The following RNF139 variants were observed in gnomAD, a reference collection of about 807,000 sequenced individuals.
RNF139 encodes the protein E3 ubiquitin-protein ligase RNF139.
RNF139 carries 15 observed loss-of-function variants against 49.5 expected under a neutral mutation model. The ratio of observed to expected loss-of-function variants is 0.30; its 90% CI spans 0.20 to 0.47. The LOEUF is 0.47. Among genes scored for constraint, RNF139 ranks in the 20% least tolerant of loss-of-function variants. RNF139 has a pLI of 1.00. For synonymous variants in RNF139, 325 were observed against 300.9 expected, an observed-to-expected ratio of 1.08 and a Z score of -0.83; for missense variants, 619 against 806.3, an observed-to-expected ratio of 0.77 and a Z score of 2.81.
intron 1 of RNF139, among the ~76,000 whole-genome samples, chr8:124,483,607 T>C (rs999621230): frequency 6.6e-6 from 1 of 151,928 alleles, no homozygotes; most frequent in African/African-American, 2.4e-5. Flanking sequence ...CATATTTTTA[T>C]ATTTTTGGTA....
rs1816566584 is a variant in RNF139, at chr8:124,487,746, C to T, written c.*102C>T. ...TTCAGTGTGTAACCAAGCACAAAAACAGTATCAATGTTGAATCTGTGAATG... is the reference window on the plus strand; with the variant it reads ...TTCAGTGTGTAACCAAGCACAAAAATAGTATCAATGTTGAATCTGTGAATG... On this transcript the variant is annotated 3_prime_UTR_variant, in exon 2 of 2. Coordinates refer to ENST00000303545, the MANE Select transcript of RNF139 (RefSeq NM_007218.4). The T allele has an allele frequency of 1.7e-6, 2 of 1,148,838 alleles. No homozygotes were observed. The highest frequency in any genetic ancestry group is 2.6e-5 in the Admixed American group (1 of 38,464). 71.2% of individuals were successfully genotyped at this position (1,148,838 alleles called of 1,614,324 possible).
intron 1 of RNF139, among the ~76,000 whole-genome samples, chr8:124,484,940 C>T (rs1239083547): frequency 6.6e-6 from 1 of 151,996 alleles, no homozygotes; most frequent in Non-Finnish European, 1.5e-5. Context: ...GAATTTTGGA[C>T]CCTTTGGAGA....
intron 1 of RNF139, among the ~76,000 whole-genome samples, chr8:124,478,632 T>A (rs532714256): frequency 2.7e-5 from 4 of 150,050 alleles, no homozygotes; most frequent in Non-Finnish European, 4.4e-5. Flanking sequence ...TCAAAAAAAA[T>A]TTATCAGATT....
At chr8:124,475,373 C>T in intron 1 of RNF139, 83 bp downstream of exon 1, 1 of 1,398,018 alleles carries the variant, frequency 7.2e-7, no homozygotes, top group Non-Finnish European at 9.9e-7. Flanking sequence ...GCGCAGAGGC[C>T]ATGGGTCGAG....
Position 124,483,028 on chromosome 8 carries a change from AAT to A in RNF139, c.182-2792_182-2791del, listed in dbSNP as rs373715299. On this transcript the variant is annotated intron_variant, in intron 1 of 1. Coordinates refer to ENST00000303545, the MANE Select transcript of RNF139 (RefSeq NM_007218.4). ...TATTAAAAATATATATATATATTTA[AAT>A]ATATATATATTTAAAAATATATCTA... Among the ~76,000 whole-genome samples the A allele has an allele frequency of 3.8e-4, 36 of 93,630 alleles. 2 individuals are homozygous for A. The highest frequency in any genetic ancestry group is 1.1e-3 in the African/African-American group (22 of 20,782). The allele number at this position is 93,630 out of a possible 152,430, so 61.4% of individuals were successfully genotyped here.
chr8:124,487,594 A>AT lies in RNF139; in HGVS notation c.1947dup (p.Gln650SerfsTer8), dbSNP rs755725546. ...TGTTCAAAGAGAAAGAAATGGAGTG[A>AT]TTCAGCACACAGGCGCAGCAGCTGA... is the stretch of plus-strand genomic sequence containing the variant. On this transcript the variant is annotated frameshift_variant, in exon 2 of 2. Transcript: ENST00000303545. LOFTEE classifies it high-confidence loss of function. 6.2e-7 allele frequency: 1 copy of AT among 1,613,010 alleles called. No homozygotes were observed. Among genetic ancestry groups the AT allele is most frequent in the South Asian group, 1.1e-5 (1 of 90,894 alleles).
intron 1 of RNF139, among the ~76,000 whole-genome samples, chr8:124,485,134 C>T (rs556569596): frequency 6.2e-4 from 94 of 152,166 alleles, no homozygotes; most frequent in African/African-American, 2.0e-3. Context: ...GGAGGCAAGG[C>T]GGGCGGATCA....
intron 1 of RNF139, among the ~76,000 whole-genome samples, chr8:124,485,561 T>C (rs953834495): frequency 6.6e-6 from 1 of 152,216 alleles, no homozygotes; most frequent in African/African-American, 2.4e-5. Flanking sequence ...ATTTGGTGCC[T>C]TGGACAGCTA....
Position 124,486,198 on chromosome 8 carries a change from C to T in RNF139, c.549C>T (p.Ser183=). ...GAGAGACTTTACTGTTTACTTCTTCCTTGATTCTCACATTAAATACAGTGT... is the reference window on the plus strand; with the variant it reads ...GAGAGACTTTACTGTTTACTTCTTCTTTGATTCTCACATTAAATACAGTGT... ...HIRETLLFTS[S]LILTLNTVFV... The change falls in exon 2 of 2, where the codon TCC becomes TCT. Residue 183 remains serine (S), a synonymous_variant. Transcript: ENST00000303545. 6.2e-7 allele frequency: 1 copy of T among 1,614,152 alleles called. No homozygotes were observed. The highest frequency in any genetic ancestry group is 8.5e-7 in the Non-Finnish European group (1 of 1,180,020).
intron 1 of RNF139, among the ~76,000 whole-genome samples, chr8:124,476,989 A>G (rs183529699): frequency 6.6e-6 from 1 of 152,376 alleles, no homozygotes; most frequent in East Asian, 1.9e-4. Flanking sequence ...ACATGACTTA[A>G]GGCAACTGCT....
At chr8:124,480,892 A>C (rs1167676589) in intron 1 of RNF139, among the ~76,000 whole-genome samples, 4 of 152,178 alleles carry the variant, frequency 2.6e-5, no homozygotes, top group African/African-American at 9.7e-5. Context: ...TATGTCAGAA[A>C]ATGGGACAAA....
At chr8:124,477,345 C>T (rs924486185) in intron 1 of RNF139, among the ~76,000 whole-genome samples, 2 of 152,164 alleles carry the variant, frequency 1.3e-5, no homozygotes, top group Non-Finnish European at 1.5e-5. Context: ...TACTAAAAGA[C>T]ACAGGTTTGT....
chr8:124,481,039 G>A (rs887169669), intron 1 of RNF139, among the ~76,000 whole-genome samples: 1 of 152,038 alleles, frequency 6.6e-6, no homozygotes, highest in East Asian at 1.9e-4. Flanking sequence ...TTTGATAAAA[G>A]CATACTTATT....
chr8:124,484,991 G>A (rs1050705995), intron 1 of RNF139, among the ~76,000 whole-genome samples: 1 of 152,130 alleles, frequency 6.6e-6, no homozygotes, highest in Non-Finnish European at 1.5e-5. Flanking sequence ...GCTGGCATGA[G>A]TTCACAGTTT....
chr8:124,479,149 G>A (rs918555076), intron 1 of RNF139, among the ~76,000 whole-genome samples: 3 of 151,918 alleles, frequency 2.0e-5, no homozygotes, highest in African/African-American at 7.3e-5. Context: ...GGAGTGCAGT[G>A]GCGTGATCTC....
chr8:124,483,119 T>TTTAA (rs1286730957), intron 1 of RNF139, among the ~76,000 whole-genome samples: 79 of 102,780 alleles, frequency 7.7e-4, no homozygotes, highest in Non-Finnish European at 1.2e-3. Context: ...TAAAAATATA[T>TTTAA]ATATTTAAAA....
chr8:124,486,742 C>T lies in RNF139; in HGVS notation c.1093C>T (p.His365Tyr), dbSNP rs1816539257. ...NMCLLLTAVL[H>Y]FIHGMTDPVL... ...GTGCCTTTTATTAACTGCAGTCCTGCATTTTATCCATGGAATGACAGACCC... is the reference window on the plus strand; with the variant it reads ...GTGCCTTTTATTAACTGCAGTCCTGTATTTTATCCATGGAATGACAGACCC... The change falls in exon 2 of 2, where the codon CAT (histidine) becomes TAT (tyrosine). Residue 365 changes from histidine (H) to tyrosine (Y), a missense_variant. His to Tyr is a moderately conservative substitution (Grantham distance 83). Coordinates refer to ENST00000303545, the MANE Select transcript of RNF139 (RefSeq NM_007218.4). The T allele has an allele frequency of 6.2e-7, 1 of 1,613,774 alleles. No homozygotes were observed. Among genetic ancestry groups the T allele is most frequent in the Non-Finnish European group, 8.5e-7 (1 of 1,179,888 alleles).
intron 1 of RNF139, among the ~76,000 whole-genome samples, chr8:124,476,937 C>G (rs998627951): frequency 3.3e-5 from 5 of 152,150 alleles, no homozygotes; most frequent in Admixed American, 2.6e-4. Context: ...AGGCATGTTT[C>G]TTTTGTAATA....
rs200759944 is a variant in RNF139 at position 124,486,011 on chromosome 8, G to A, written c.362G>A (p.Arg121Gln). 41 of 1,614,130 alleles carry A rather than the reference G, an allele frequency of 2.5e-5. No homozygotes were observed. Among genetic ancestry groups the A allele is most frequent in the Admixed American group, 1.0e-4 (6 of 60,016 alleles). ...TSAFGIELLP[R>Q]KGPSLWMALI... ...GCTTTTGGAATTGAGCTGCTTCCTC[G>A]AAAAGGTCCCTCGCTGTGGATGGCA... The change falls in exon 2 of 2, where the codon CGA (arginine) becomes CAA (glutamine). Residue 121 changes from arginine to glutamine, a missense_variant. By Grantham distance (43) the Arg-to-Gln change is conservative. Coordinates refer to ENST00000303545, the MANE Select transcript of RNF139 (RefSeq NM_007218.4).
Sources: allele counts gnomAD v4.1 joint callset (sites outside exome capture counted in the v4.1 genomes callset), GRCh38; gene constraint gnomAD v4.1.1; transcripts MANE v1.5; gene names NCBI Gene and HGNC (gene_info 2026-07-23, HGNC 2026-07-21).